Variants in PCDH11X observed in about 807,000 individuals in gnomAD.
PCDH11X encodes protocadherin-11 X-linked.
PCDH11X carries 18 observed loss-of-function variants against 53.3 expected under a neutral mutation model. The ratio of observed to expected loss-of-function variants is 0.34; its 90% CI spans 0.23 to 0.50. The LOEUF (loss-of-function observed/expected upper bound fraction) is 0.50, where lower values mean the gene tolerates loss of function less well. Ranked by LOEUF, PCDH11X falls within the 20% of genes least tolerant of loss-of-function variation. The pLI, the probability that PCDH11X is intolerant of heterozygous loss-of-function variation, is 0.98. For synonymous variants in PCDH11X, 279 were observed against 393.3 expected (o/e 0.71, Z 3.44); for missense variants, 570 against 1,032.4 (o/e 0.55, Z 6.14).
chrX:92,126,854 TAAA>T (rs148744256), intron 6 of PCDH11X, among the ~76,000 whole-genome samples: 1 of 99,943 alleles, frequency 1.0e-5, no homozygotes, highest in Non-Finnish European at 2.0e-5. Flanking sequence ...TGAAATATGT[TAAA>T]AAAAAAAAAG....
intron 6 of PCDH11X, among the ~76,000 whole-genome samples, chrX:92,127,682 GACTA>G (rs1402566123): frequency 1.8e-5 from 2 of 109,346 alleles, no homozygotes; most frequent in African/African-American, 6.7e-5. Flanking sequence ...CACCAAGCCA[GACTA>G]ACTGTTTTGT....
At chrX:92,485,365 T>G (rs1367961263) in intron 10 of PCDH11X, among the ~76,000 whole-genome samples, 7 of 111,269 alleles carry the variant, frequency 6.3e-5, no homozygotes, top group Non-Finnish European at 1.1e-4. Context: ...TTTTTATACA[T>G]CATAAGAAGC....
intron 9 of PCDH11X, among the ~76,000 whole-genome samples, chrX:92,465,643 G>A (rs1439275294): frequency 1.8e-5 from 2 of 111,228 alleles, no homozygotes; most frequent in Non-Finnish European, 3.8e-5. Flanking sequence ...TTTACTTTTA[G>A]CCAGATATTT....
chrX:91,886,888 A>T (rs370754379), intron 6 of PCDH11X, among the ~76,000 whole-genome samples: 28 of 104,695 alleles, frequency 2.7e-4, no homozygotes, highest in Non-Finnish European at 3.9e-4. Flanking sequence ...GGAGAATGGC[A>T]TGAACCCGGG....
intron 7 of PCDH11X, among the ~76,000 whole-genome samples, chrX:92,224,444 A>G (rs927984846): frequency 1.8e-5 from 2 of 111,875 alleles, no homozygotes; most frequent in African/African-American, 6.5e-5. Context: ...ATGCCTCCGT[A>G]CCTTGAGTTT....
At chrX:92,567,084 T>G (rs1347466163) in intron 10 of PCDH11X, among the ~76,000 whole-genome samples, 2 of 99,434 alleles carry the variant, frequency 2.0e-5, no homozygotes, top group Non-Finnish European at 4.1e-5. Flanking sequence ...TTCTTTTTGC[T>G]TAGGATTTTC....
intron 10 of PCDH11X, among the ~76,000 whole-genome samples, chrX:92,535,076 A>C (rs1453966994): frequency 8.9e-6 from 1 of 112,308 alleles, no homozygotes; most frequent in African/African-American, 3.2e-5. Flanking sequence ...TGTTGGTTGC[A>C]ATGTAAATTA....
chrX:92,089,373 G>C (rs1242485614), intron 6 of PCDH11X, among the ~76,000 whole-genome samples: 1 of 111,374 alleles, frequency 9.0e-6, no homozygotes, highest in Non-Finnish European at 1.9e-5. Context: ...ATAATTATAT[G>C]CTATTAGTTT....
At chrX:92,046,341 T>C (rs1297865839) in intron 6 of PCDH11X, among the ~76,000 whole-genome samples, 1 of 111,609 alleles carries the variant, frequency 9.0e-6, no homozygotes, top group African/African-American at 3.3e-5. Flanking sequence ...ACCTTTCAAA[T>C]TGGTAATAGA....
rs755852703 is a variant in PCDH11X at position 92,557,448 on chromosome X, C to A, written c.3368-60816C>A. Among the ~76,000 whole-genome samples the A allele has an allele frequency of 1.4e-3, 160 of 110,587 alleles. 2 individuals carry two copies. The highest frequency in any genetic ancestry group is 5.0e-3 in the African/African-American group (151 of 30,440). On this transcript the variant is annotated intron_variant, in intron 10 of 10. Coordinates refer to ENST00000682573, the MANE Select transcript of PCDH11X (RefSeq NM_032968.5). Reference sequence around the variant, plus strand: ...CTCTAGAGCAGGGGCAAAATCCCACCAGTCTCTTCACTAAAGCACAGCAAG... The same window carrying A: ...CTCTAGAGCAGGGGCAAAATCCCACAAGTCTCTTCACTAAAGCACAGCAAG...
chrX:92,290,924 CAG>C (rs962535601), intron 8 of PCDH11X, among the ~76,000 whole-genome samples: 1 of 100,818 alleles, frequency 9.9e-6, no homozygotes, highest in Non-Finnish European at 2.0e-5. Context: ...TTTTTTGAGA[CAG>C]TGTCTCTCTC....
intron 6 of PCDH11X, among the ~76,000 whole-genome samples, chrX:92,137,187 AC>A (rs2148208972): frequency 9.1e-6 from 1 of 110,489 alleles, no homozygotes; most frequent in African/African-American, 3.3e-5. Context: ...GCAAATATAT[AC>A]ATAGACAGCA....
intron 6 of PCDH11X, among the ~76,000 whole-genome samples, chrX:92,041,109 G>A (rs921763419): frequency 1.9e-5 from 2 of 107,706 alleles, no homozygotes; most frequent in African/African-American, 6.8e-5. Context: ...ATTTGTATGG[G>A]TTGGTAACAT....
intron 6 of PCDH11X, among the ~76,000 whole-genome samples, chrX:92,110,004 G>A (rs1027566866): frequency 3.6e-5 from 4 of 112,244 alleles, no homozygotes; most frequent in African/African-American, 6.5e-5. Flanking sequence ...GCTATTGACC[G>A]ATGGAGCTGC....
intron 5 of PCDH11X, among the ~76,000 whole-genome samples, chrX:91,851,329 A>ATTTTT (rs1189347120): frequency 4.5e-5 from 5 of 111,865 alleles, no homozygotes; most frequent in Non-Finnish European, 9.4e-5. Context: ...TGCCACTTTC[A>ATTTTT]TTTAAGAAAT....
In PCDH11X at chrX:91,925,647, A is replaced by G. The variant is rs770612759; in HGVS notation, c.3033+46374A>G. Among the ~76,000 whole-genome samples the G allele has an allele frequency of 6.3e-3, 702 of 110,935 alleles. 4 individuals are homozygous for G. Among genetic ancestry groups the G allele is most frequent in the African/African-American group, 0.022 (679 of 30,583 alleles). On this transcript the variant is annotated intron_variant, in intron 6 of 10. Transcript: ENST00000682573. ...ATAATTGAAGAATGTTAAAAAGCAG[A>G]TAGATTGTTTCCAAATTTCTCAGTG... is the stretch of plus-strand genomic sequence containing the variant.
chrX:91,893,260 G>C (rs1281072257), intron 6 of PCDH11X, among the ~76,000 whole-genome samples: 1 of 110,418 alleles, frequency 9.1e-6, no homozygotes, highest in Non-Finnish European at 1.9e-5. Flanking sequence ...TTTTGTCCAT[G>C]AGTTATACTC....
intron 9 of PCDH11X, among the ~76,000 whole-genome samples, chrX:92,419,677 T>C (rs1265710038): frequency 1.8e-4 from 12 of 65,136 alleles, no homozygotes; most frequent in Admixed American, 5.4e-4. Context: ...CCCTTTTTTT[T>C]TTTTTTTTTT....
At chrX:92,378,616 G>A (rs1189300996) in intron 8 of PCDH11X, among the ~76,000 whole-genome samples, 8 of 111,330 alleles carry the variant, frequency 7.2e-5, no homozygotes, top group Non-Finnish European at 1.5e-4. Flanking sequence ...TTATTTCTCA[G>A]AGTTCTGGAG....
Sources: allele counts gnomAD v4.1 joint callset (sites outside exome capture counted in the v4.1 genomes callset), GRCh38; gene constraint gnomAD v4.1.1; transcripts MANE v1.5; gene names NCBI Gene and HGNC (gene_info 2026-07-23, HGNC 2026-07-21).